ARHGAP26: variants seen among roughly 807,000 people sequenced by gnomAD.
ARHGAP26 encodes Rho GTPase activating protein 26.
Under a neutral mutation model 104.8 loss-of-function variants are expected in ARHGAP26, and 38 were observed. That is an observed-to-expected ratio of 0.36 (90% CI 0.28 to 0.48). The LOEUF is 0.48. ARHGAP26 is among the 20% of genes least tolerant of loss of function. The probability of loss-of-function intolerance (pLI) is 0.99; values close to 1 mark genes in which losing one functional copy is unlikely to be tolerated. For missense variants in ARHGAP26, 704 were observed against 947.9 expected (o/e 0.74, Z 3.38); for synonymous variants, 341 against 340.0 (o/e 1.00, Z -0.03).
intron 1 of ARHGAP26, among the ~76,000 whole-genome samples, chr5:142,849,099 C>T (rs1055501784): frequency 6.6e-6 from 1 of 152,102 alleles, no homozygotes; most frequent in Non-Finnish European, 1.5e-5. Flanking sequence ...TGTTTATTAC[C>T]CTCTTCTCTG....
chr5:142,825,259 T>A (rs991743622), intron 1 of ARHGAP26, among the ~76,000 whole-genome samples: 9 of 152,234 alleles, frequency 5.9e-5, no homozygotes, highest in African/African-American at 2.2e-4. Flanking sequence ...CAGTAACTTG[T>A]TATTGCTACT....
chr5:143,188,940 T>C (rs1805519446), intron 20 of ARHGAP26, among the ~76,000 whole-genome samples: 1 of 152,234 alleles, frequency 6.6e-6, no homozygotes, highest in South Asian at 2.1e-4. Flanking sequence ...GGCTGTTTGT[T>C]TGGGGCTTGT....
Position 143,134,066 on chromosome 5 carries a change from C to T in ARHGAP26, c.1798C>T (p.Pro600Ser). 1.9e-6 allele frequency: 3 copies of T among 1,612,304 alleles called. No homozygotes were observed. Among genetic ancestry groups the T allele is most frequent in the Non-Finnish European group, 2.5e-6 (3 of 1,179,126 alleles). The change falls in exon 19 of 23, where the codon CCC becomes TCC. Residue 600 changes from proline to serine, a missense_variant. This residue lies in a region of ARHGAP26 where 217 missense variants were observed against 242.6 expected (regional missense o/e 0.89). Transcript: ENST00000645722. ...CAAGCCCCCGTCCTGCAGCGAGAGG[C>T]CCCTGACGCTCTTCCACACCGTTCA... ...DSKPPSCSER[P>S]LTLFHTVQST...
At chr5:143,045,112 A>G (rs1386376496) in intron 14 of ARHGAP26, among the ~76,000 whole-genome samples, 1 of 152,230 alleles carries the variant, frequency 6.6e-6, no homozygotes. Flanking sequence ...TCTTGTTTTT[A>G]TCACTTTTCT....
At chr5:143,133,365 G>A (rs1455843648) in intron 18 of ARHGAP26, among the ~76,000 whole-genome samples, 2 of 152,134 alleles carry the variant, frequency 1.3e-5, no homozygotes, top group Admixed American at 6.5e-5. Context: ...GTGTGTGTGT[G>A]TTACTTTTAT....
rs1811518916 is a variant in ARHGAP26 at position 143,224,685 on chromosome 5, G to T, written c.*2239G>T. 1 of 229,746 alleles carries T rather than the reference G, an allele frequency of 4.4e-6. No homozygotes were observed. The highest frequency in any genetic ancestry group is 1.3e-3 in the Middle Eastern group (1 of 764). The allele number at this position is 229,746 out of a possible 1,614,324, so 14.2% of individuals were successfully genotyped here. A position where few individuals can be genotyped will look rare whatever the true frequency, so the allele number is the denominator to read the frequency against. ...TTGTGTGCGTCTGTAAGTTCTTAAA[G>T]AACCAGCTTCTTAGAATGTTCAGTT... On this transcript the variant is annotated 3_prime_UTR_variant, in exon 23 of 23. Coordinates refer to ENST00000645722, the MANE Select transcript of ARHGAP26 (RefSeq NM_001135608.3).
intron 1 of ARHGAP26, among the ~76,000 whole-genome samples, chr5:142,779,428 T>TGTGTGTGTGTGTGTGTGTGGTG (rs1342401475): frequency 1.4e-4 from 21 of 151,488 alleles, no homozygotes; most frequent in Admixed American, 8.6e-4. Flanking sequence ...TAGGGTGGTG[T>TGTGTGTGTGTGTGTGTGTGGTG]GTGTGTGTGT....
In ARHGAP26 at chr5:142,957,908, C is replaced by G. The variant is rs76910416; in HGVS notation, c.1107+25783C>G. Among the ~76,000 whole-genome samples, 6 of 152,350 alleles carry G rather than the reference C, an allele frequency of 3.9e-5. No homozygotes were observed. The East Asian group carries it at 1.2e-3, about 29-fold the overall frequency. On this transcript the variant is annotated intron_variant, in intron 11 of 22. Coordinates refer to ENST00000645722, the MANE Select transcript of ARHGAP26 (RefSeq NM_001135608.3). ...CATGCTCAGGTTCTCAATCTGCAAA[C>G]GTACTTGAACTGGGCATAAGCCTTT...
chr5:143,122,848 G>A (rs1017242250), intron 18 of ARHGAP26, among the ~76,000 whole-genome samples: 2 of 152,304 alleles, frequency 1.3e-5, no homozygotes, highest in African/African-American at 4.8e-5. Flanking sequence ...AGAAGTAACT[G>A]CATTTTGATT....
chr5:143,107,542 C>G (rs1177897726), intron 17 of ARHGAP26, among the ~76,000 whole-genome samples: 1 of 152,170 alleles, frequency 6.6e-6, no homozygotes, highest in Non-Finnish European at 1.5e-5. Flanking sequence ...AAGATGACAG[C>G]AACTAAGATG....
chr5:142,959,984 A>G, intron 11 of ARHGAP26, among the ~76,000 whole-genome samples: 1 of 152,244 alleles, frequency 6.6e-6, no homozygotes, highest in Non-Finnish European at 1.5e-5. Context: ...TTTGTATTCC[A>G]AGGGCCCAGT....
At chr5:143,190,403 T>G (rs1805768307) in intron 20 of ARHGAP26, among the ~76,000 whole-genome samples, 1 of 152,218 alleles carries the variant, frequency 6.6e-6, no homozygotes, top group African/African-American at 2.4e-5. Context: ...GAGTAGCAGA[T>G]GCAGCATGTC....
rs181071266 is a variant in ARHGAP26 at position 142,823,609 on chromosome 5, T to C, written c.155-49791T>C. ...AAGCACTGATCATAAGCAAGTACTA[T>C]AAGAAAAAAAAAATCCTGTTTCCTT... is the stretch of plus-strand genomic sequence containing the variant. On this transcript the variant is annotated intron_variant, in intron 1 of 22. Transcript: ENST00000645722. Among the ~76,000 whole-genome samples, 20 of 151,608 alleles carry C rather than the reference T, an allele frequency of 1.3e-4. No homozygotes were observed. In the East Asian group the frequency reaches 3.9e-3, roughly 29 times the overall value.
At chr5:143,117,221 A>C (rs1024058184) in intron 17 of ARHGAP26, among the ~76,000 whole-genome samples, 2 of 152,220 alleles carry the variant, frequency 1.3e-5, no homozygotes, top group African/African-American at 2.4e-5. Context: ...ACAAAAGAGC[A>C]GGTTCTCTGT....
In ARHGAP26 at chr5:143,070,160, T is replaced by A. The variant is rs1053775342; in HGVS notation, c.1538+12413T>A. Among the ~76,000 whole-genome samples the A allele has an allele frequency of 5.3e-5, 8 of 152,324 alleles. No individual in the cohort carries two copies. In the East Asian group the frequency reaches 9.6e-4, roughly 18 times the overall value. ...TCTCAGGCTAGGTGGTTAGTCAGGT[T>A]TTCTTGTTCTCTGTATTAAAAGATA... is the stretch of plus-strand genomic sequence containing the variant. On this transcript the variant is annotated intron_variant, in intron 17 of 22. Coordinates refer to ENST00000645722, the MANE Select transcript of ARHGAP26 (RefSeq NM_001135608.3).
intron 1 of ARHGAP26, among the ~76,000 whole-genome samples, chr5:142,783,483 T>TC (rs1339330800): frequency 6.6e-6 from 1 of 152,226 alleles, no homozygotes; most frequent in Non-Finnish European, 1.5e-5. Flanking sequence ...TTCACATTTT[T>TC]TTTTTCTTTA....
intron 11 of ARHGAP26, among the ~76,000 whole-genome samples, chr5:142,946,371 A>G (rs927219770): frequency 1.3e-5 from 2 of 152,364 alleles, no homozygotes; most frequent in South Asian, 2.1e-4. Flanking sequence ...CAACAGCACC[A>G]GTTACATTGA....
At chr5:142,991,684 C>T (rs1190962075) in intron 11 of ARHGAP26, among the ~76,000 whole-genome samples, 2 of 152,166 alleles carry the variant, frequency 1.3e-5, no homozygotes, top group Non-Finnish European at 2.9e-5. Context: ...GTGTCAGTTG[C>T]CTACAGTATT....
rs188484479 is a variant in ARHGAP26, at chr5:143,198,842, C to T, written c.1989-8356C>T. Among the ~76,000 whole-genome samples the T allele has an allele frequency of 3.1e-3, 465 of 152,210 alleles. 1 individual carries two copies. Among genetic ancestry groups the T allele is most frequent in the Non-Finnish European group, 5.0e-3 (340 of 68,000 alleles). On this transcript the variant is annotated intron_variant, in intron 20 of 22. Coordinates refer to ENST00000645722, the MANE Select transcript of ARHGAP26 (RefSeq NM_001135608.3). ...TTTCAACTTTTAGATTCAGGGAGTA[C>T]ATGTACAGGTTTGTTCCATGGGTAT... is the stretch of plus-strand genomic sequence containing the variant.
Sources: gnomAD v4.1 joint callset for allele counts (sites outside exome capture counted in the v4.1 genomes callset) on GRCh38, gnomAD v4.1.1 for gene constraint, gnomAD v4.1.1 regional missense constraint, MANE v1.5 for transcripts, NCBI Gene and HGNC (gene_info 2026-07-23, HGNC 2026-07-21) for gene names.